The following MME variants were observed in gnomAD, a reference collection of about 807,000 sequenced individuals.
MME encodes membrane metalloendopeptidase.
Under a neutral mutation model 113.2 loss-of-function variants are expected in MME, and 98 were observed. The observed-to-expected ratio is 0.87, with a 90% CI of 0.74 to 1.02. MME has a LOEUF of 1.02. Among genes scored for constraint, MME ranks in the 50% least tolerant of loss-of-function variants. The pLI is 0.00. For missense variants in MME, 836 were observed against 896.0 expected, an observed-to-expected ratio of 0.93 and a Z score of 0.86; for synonymous variants, 292 against 300.6, an observed-to-expected ratio of 0.97 and a Z score of 0.30.
At chr3:155,132,736 C>G (rs752252953) in intron 8 of MME, among the ~76,000 whole-genome samples, 1 of 151,848 alleles carries the variant, frequency 6.6e-6, no homozygotes, top group Non-Finnish European at 1.5e-5. Flanking sequence ...AGTATCCTGG[C>G]CAATCTACTT....
intron 9 of MME, 43 bp from the exon 10 acceptor site, chr3:155,140,148 G>T (rs1318812165): frequency 2.9e-6 from 4 of 1,398,614 alleles, no homozygotes; most frequent in Admixed American, 1.7e-5. Context: ...TTTTTCTAAA[G>T]AATTCTTAAT....
At chr3:155,144,322 A>G (rs772168226) in intron 13 of MME, 37 bp from the exon 14 acceptor site, 2 of 1,335,044 alleles carry the variant, frequency 1.5e-6, no homozygotes, top group South Asian at 2.3e-5. Context: ...CAAAGAATGA[A>G]TTAATGACCT....
At chr3:155,063,049 A>AG (rs1357426652) in intron 1 of MME, among the ~76,000 whole-genome samples, 1 of 146,154 alleles carries the variant, frequency 6.8e-6, no homozygotes, top group Non-Finnish European at 1.5e-5. Context: ...AAAAAAAAAA[A>AG]GAAAGGAAAG....
rs556446515 is a variant in MME, at chr3:155,131,202, G to C, written c.721-6900G>C. Reference sequence around the variant, plus strand: ...CATGGTAATTCATGTGAAAGATAACGATGGACTCAGATGGCAGCAAGTCAG... The same window carrying C: ...CATGGTAATTCATGTGAAAGATAACCATGGACTCAGATGGCAGCAAGTCAG... On this transcript the variant is annotated intron_variant, in intron 8 of 22. Transcript: ENST00000360490. Among the ~76,000 whole-genome samples, 9 of 152,278 alleles carry C rather than the reference G, an allele frequency of 5.9e-5. No homozygotes were observed. The South Asian group carries it at 1.7e-3, about 28-fold the overall frequency.
intron 3 of MME, among the ~76,000 whole-genome samples, chr3:155,106,592 G>C (rs80225103): frequency 1.3e-5 from 2 of 152,054 alleles, no homozygotes; most frequent in African/African-American, 4.8e-5. Flanking sequence ...TTTGTGACCC[G>C]TTGTGATTAC....
At position 155,140,187 on chromosome 3, in the gene MME, A is replaced by T; in HGVS notation, c.856-4A>T. On this transcript the variant is annotated splice_region_variant and splice_polypyrimidine_tract_variant and intron_variant, in intron 9 of 22. Coordinates refer to ENST00000360490, the MANE Select transcript of MME (RefSeq NM_007289.4). ...AAAATAATGATTAAAAATTAAATCC[A>T]TAGGCTACGGCTAAACCTGAAGATC... The T allele has an allele frequency of 6.2e-7, 1 of 1,600,438 alleles. No homozygotes were observed. Among genetic ancestry groups the T allele is most frequent in the Non-Finnish European group, 8.5e-7 (1 of 1,169,752 alleles).
rs200279069 is a variant in MME, at chr3:155,138,160, A to C, written c.779A>C (p.Glu260Ala). The change falls in exon 9 of 23, where the codon GAA (glutamate) becomes GCA (alanine). Residue 260 changes from glutamate (E) to alanine (A), a missense_variant. Coordinates refer to ENST00000360490, the MANE Select transcript of MME (RefSeq NM_007289.4). ...GTGGCCAGATTGATTCGTCAGGAAGAAAGATTGCCCATCGATGAAAACCAG... is the reference window on the plus strand; with the variant it reads ...GTGGCCAGATTGATTCGTCAGGAAGCAAGATTGCCCATCGATGAAAACCAG... ...ISVARLIRQEERLPIDENQLA... is the reference protein window; with the variant it reads ...ISVARLIRQEARLPIDENQLA... 14 of 1,613,680 alleles carry C rather than the reference A, an allele frequency of 8.7e-6. No homozygotes were observed. The highest frequency in any genetic ancestry group is 1.2e-5 in the Non-Finnish European group (14 of 1,179,800).
At position 155,180,427 on chromosome 3, in the gene MME, A is replaced by C; in HGVS notation, c.2221A>C (p.Met741Leu). 6.2e-7 allele frequency: 1 copy of C among 1,613,596 alleles called. No homozygotes were observed. Among genetic ancestry groups the C allele is most frequent in the East Asian group, 2.2e-5 (1 of 44,866 alleles). The change falls in exon 23 of 23, where the codon ATG (methionine) becomes CTG (leucine). Residue 741 changes from methionine (M) to leucine (L), a missense_variant. Met to Leu is a conservative substitution (Grantham distance 15). Transcript: ENST00000360490. ...CTTTCACTGCCGCAAGAATTCATAC[A>C]TGAATCCAGAAAAGAAGTGCCGGGT... is the stretch of plus-strand genomic sequence containing the variant. ...EAFHCRKNSY[M>L]NPEKKCRVW
chr3:155,175,878 A>ATTT (rs1239909425), intron 22 of MME, among the ~76,000 whole-genome samples: 2 of 152,080 alleles, frequency 1.3e-5, no homozygotes, highest in Admixed American at 1.3e-4. Context: ...CAATATTAGC[A>ATTT]TTGGTTCCTG....
chr3:155,090,807 C>A (rs1275659526), intron 3 of MME, among the ~76,000 whole-genome samples: 1 of 152,196 alleles, frequency 6.6e-6, no homozygotes, highest in Non-Finnish European at 1.5e-5. Flanking sequence ...GATTTGTGTG[C>A]TTTGAGCTAT....
At chr3:155,053,533 C>G (rs1249733439) in intron 1 of MME, among the ~76,000 whole-genome samples, 1 of 152,114 alleles carries the variant, frequency 6.6e-6, no homozygotes, top group Admixed American at 6.6e-5. Context: ...AGATAACTGT[C>G]CCAGTTATTC....
At position 155,166,847 on chromosome 3, in the gene MME, A is replaced by C. The variant is rs1316735422; in HGVS notation, c.1661-55A>C. On this transcript the variant is annotated intron_variant, in intron 17 of 22. Coordinates refer to ENST00000360490, the MANE Select transcript of MME (RefSeq NM_007289.4). The stretch of plus-strand genomic sequence containing the variant: ...AGGGAGGACTGTCTCTAAGAAAATA[A>C]AAATTTTAAAAACTTATGCCACAAA... 1.6e-5 allele frequency: 26 copies of C among 1,611,566 alleles called. No homozygotes were observed. The Middle Eastern group carries it at 6.6e-4, about 41-fold the overall frequency.
At chr3:155,053,997 G>C (rs73874486) in intron 1 of MME, among the ~76,000 whole-genome samples, 21,976 of 152,032 alleles carry the variant, frequency 0.14, 2,710 homozygotes, top group African/African-American at 0.33. Context: ...TATCCTATGC[G>C]TGTCCCAGTG....
chr3:155,091,632 T>A (rs61762354), intron 3 of MME, among the ~76,000 whole-genome samples: 295 of 152,310 alleles, frequency 1.9e-3, no homozygotes, highest in South Asian at 4.8e-3. Context: ...GGATCCTGTT[T>A]TGTCCTACTC....
chr3:155,074,269 A>C (rs1304592805), intron 1 of MME, among the ~76,000 whole-genome samples: 1 of 152,182 alleles, frequency 6.6e-6, no homozygotes, highest in African/African-American at 2.4e-5. Flanking sequence ...TTTTCACTCC[A>C]AAATAAAATT....
At chr3:155,105,370 A>C (rs1005695714) in intron 3 of MME, among the ~76,000 whole-genome samples, 5 of 152,194 alleles carry the variant, frequency 3.3e-5, no homozygotes, top group Admixed American at 2.0e-4. Context: ...AGTTTCTGAA[A>C]ATTTTTAAAT....
At chr3:155,155,104 C>T (rs1054917231) in intron 16 of MME, among the ~76,000 whole-genome samples, 19 of 152,140 alleles carry the variant, frequency 1.2e-4, no homozygotes, top group African/African-American at 4.1e-4. Context: ...AAAATGTGTT[C>T]TATTGGCAAA....
At chr3:155,160,320 T>C in intron 16 of MME, 70 bp from the exon 17 acceptor site, 2 of 1,034,442 alleles carry the variant, frequency 1.9e-6, no homozygotes, top group Non-Finnish European at 3.1e-6. Flanking sequence ...GTAATAATGC[T>C]TTAATTGTGT....
chr3:155,081,408 T>C (rs1331350678), intron 1 of MME: 1 of 152,238 alleles, frequency 6.6e-6, no homozygotes. Flanking sequence ...AAAATAGTAA[T>C]TTATTCTGTT....
Sources: allele counts gnomAD v4.1 joint callset (sites outside exome capture counted in the v4.1 genomes callset), GRCh38; gene constraint gnomAD v4.1.1; transcripts MANE v1.5; gene names NCBI Gene and HGNC (gene_info 2026-07-23, HGNC 2026-07-21).